The following PRDM2 variants were observed in gnomAD, a reference collection of about 807,000 sequenced individuals.
PRDM2 encodes the protein PR domain zinc finger protein 2.
A neutral mutation model predicts 130.0 loss-of-function variants in PRDM2; 30 were observed. That is an observed-to-expected ratio of 0.23 (90% CI 0.17 to 0.31). PRDM2 has a LOEUF of 0.31. PRDM2 is among the 10% of genes least tolerant of loss of function. PRDM2 has a pLI of 1.00. For synonymous variants in PRDM2, 871 were observed against 782.4 expected, an observed-to-expected ratio of 1.11 and a Z score of -1.89; for missense variants, 2,011 against 2,108.4, an observed-to-expected ratio of 0.95 and a Z score of 0.90.
intron 6 of PRDM2, among the ~76,000 whole-genome samples, chr1:13,764,242 G>C (rs955379960): frequency 3.3e-5 from 5 of 152,200 alleles, no homozygotes; most frequent in East Asian, 1.9e-4. Context: ...TCAGCCACGG[G>C]GGGCTGAGTC....
rs1643391883 is a variant in PRDM2, at chr1:13,740,066, C to T, written c.232-1939C>T. ...AAGCAAGTATTCTCTTTTTGTACATCAGTCAGTATGACTTAGAAGATGCCT... is the reference window on the plus strand; with the variant it reads ...AAGCAAGTATTCTCTTTTTGTACATTAGTCAGTATGACTTAGAAGATGCCT... On this transcript the variant is annotated intron_variant, in intron 4 of 9. Coordinates refer to ENST00000311066, the MANE Select transcript of PRDM2 (RefSeq NM_001393986.1). 2.0e-5 allele frequency among the ~76,000 whole-genome samples: 3 copies of T among 152,174 alleles called. No homozygotes were observed. The South Asian group carries it at 6.2e-4, about 32-fold the overall frequency.
intron 8 of PRDM2, among the ~76,000 whole-genome samples, chr1:13,814,140 C>T (rs1030343411): frequency 2.5e-4 from 38 of 152,228 alleles, no homozygotes; most frequent in African/African-American, 9.2e-4. Context: ...TCTCCAGCAG[C>T]CTCCCAGCTG....
chr1:13,728,747 A>T (rs1643006876), intron 2 of PRDM2, among the ~76,000 whole-genome samples: 1 of 152,260 alleles, frequency 6.6e-6, no homozygotes. Context: ...GACTTAAAAC[A>T]GATAAACAAA....
At chr1:13,809,132 T>A (rs1020392959) in intron 8 of PRDM2, among the ~76,000 whole-genome samples, 4 of 152,146 alleles carry the variant, frequency 2.6e-5, no homozygotes, top group Non-Finnish European at 5.9e-5. Flanking sequence ...AGGGGAGAGA[T>A]GGGCTGGGAG....
chr1:13,768,091 T>TA (rs1375624036), intron 6 of PRDM2, among the ~76,000 whole-genome samples: 2 of 149,740 alleles, frequency 1.3e-5, no homozygotes, highest in Non-Finnish European at 3.0e-5. Flanking sequence ...TTTTTTTTTT[T>TA]TTTTGAGACG....
intron 3 of PRDM2, among the ~76,000 whole-genome samples, chr1:13,731,958 C>T (rs774260442): frequency 3.9e-5 from 6 of 152,092 alleles, no homozygotes; most frequent in African/African-American, 1.4e-4. Context: ...ACTTACATAG[C>T]GGACTTACAG....
At position 13,781,246 on chromosome 1, in the gene PRDM2, A is replaced by G. The variant is rs1171920492; in HGVS notation, c.3451A>G (p.Lys1151Glu). 1 of 1,614,216 alleles carries G rather than the reference A, an allele frequency of 6.2e-7. No individual in the cohort carries two copies. The highest frequency in any genetic ancestry group is 2.2e-5 in the East Asian group (1 of 44,890). ...TTTTCTTTCCATTAAAGATCTAACCAAACATTTATCTATTCATGCTGAAGA... is the reference window on the plus strand; with the variant it reads ...TTTTCTTTCCATTAAAGATCTAACCGAACATTTATCTATTCATGCTGAAGA... ...SPFLSIKDLTKHLSIHAEEWP... is the reference protein window; with the variant it reads ...SPFLSIKDLTEHLSIHAEEWP... Residue 1151 changes from lysine to glutamate, a missense_variant, in exon 8 of 10, where the codon AAA (lysine) becomes GAA (glutamate). Lys to Glu is a moderately conservative substitution (Grantham distance 56). Transcript: ENST00000311066. The surrounding 1 kb of genome is among the most constrained non-coding windows in gnomAD (Gnocchi z 6.1).
At chr1:13,786,824 G>C in intron 8 of PRDM2, 1 of 1,179,324 alleles carries the variant, frequency 8.5e-7, no homozygotes, top group Non-Finnish European at 1.1e-6. Flanking sequence ...CCTCAGATCT[G>C]AGCATGGCCC....
At chr1:13,812,813 C>T (rs1645195119) in intron 8 of PRDM2, among the ~76,000 whole-genome samples, 1 of 152,212 alleles carries the variant, frequency 6.6e-6, no homozygotes. Flanking sequence ...CTCACATGTG[C>T]TGGATTCTTC....
At chr1:13,820,291 C>T (rs1013263663) in intron 9 of PRDM2, among the ~76,000 whole-genome samples, 4 of 152,216 alleles carry the variant, frequency 2.6e-5, no homozygotes, top group African/African-American at 7.2e-5. Flanking sequence ...ACCCGTCTCC[C>T]GGACAGTTTG....
intron 8 of PRDM2, among the ~76,000 whole-genome samples, chr1:13,788,354 C>T (rs1348357781): frequency 1.3e-5 from 2 of 152,306 alleles, no homozygotes; most frequent in Non-Finnish European, 2.9e-5. Flanking sequence ...AAAATAATTT[C>T]ATCTGTGGGG....
chr1:13,795,007 A>ATCTCTTT (rs1644900977), intron 8 of PRDM2, among the ~76,000 whole-genome samples: 1 of 152,198 alleles, frequency 6.6e-6, no homozygotes, highest in Non-Finnish European at 1.5e-5. Flanking sequence ...AACTAAAGAG[A>ATCTCTTT]AGTGAGCTGT....
At chr1:13,749,808 T>C (rs966078980) in intron 6 of PRDM2, among the ~76,000 whole-genome samples, 11 of 152,130 alleles carry the variant, frequency 7.2e-5, no homozygotes, top group African/African-American at 2.6e-4. Flanking sequence ...CGGACGGCGT[T>C]CCGGGGCCGG....
intron 8 of PRDM2, among the ~76,000 whole-genome samples, chr1:13,790,620 A>T (rs1487097984): frequency 2.6e-5 from 4 of 152,204 alleles, no homozygotes; most frequent in Non-Finnish European, 5.9e-5. Context: ...AAAGGTCCAG[A>T]TTGGTGGGAA....
intron 1 of PRDM2, among the ~76,000 whole-genome samples, chr1:13,714,970 T>C (rs1642487575): frequency 6.6e-6 from 1 of 152,250 alleles, no homozygotes; most frequent in African/African-American, 2.4e-5. Flanking sequence ...TATGAATACA[T>C]GGAACATGGG....
At chr1:13,765,541 C>A (rs1287417559) in intron 6 of PRDM2, among the ~76,000 whole-genome samples, 2 of 152,090 alleles carry the variant, frequency 1.3e-5, no homozygotes, top group South Asian at 2.1e-4. Context: ...TCTAGGCTCA[C>A]TGCAGCCTCC....
chr1:13,727,644 TG>T (rs1425999720), intron 2 of PRDM2, among the ~76,000 whole-genome samples: 1 of 152,234 alleles, frequency 6.6e-6, no homozygotes, highest in Non-Finnish European at 1.5e-5. Flanking sequence ...AGCCATTGTA[TG>T]TATGTGTTTA....
chr1:13,785,361 T>C (rs1203648), intron 8 of PRDM2, among the ~76,000 whole-genome samples: 51,640 of 152,072 alleles, frequency 0.34, 9,219 homozygotes, highest in Admixed American at 0.49. Flanking sequence ...AGCACATCCT[T>C]GTCCTGTGTT....
At chr1:13,785,909 G>T (rs1307683385) in intron 8 of PRDM2, among the ~76,000 whole-genome samples, 1 of 149,778 alleles carries the variant, frequency 6.7e-6, no homozygotes, top group African/African-American at 2.5e-5. Context: ...CACGATCTTG[G>T]CTCACTGCAA....
Sources: allele counts gnomAD v4.1 joint callset (sites outside exome capture counted in the v4.1 genomes callset), GRCh38; gene constraint gnomAD v4.1.1; non-coding constraint Gnocchi (gnomAD v3.1); transcripts MANE v1.5; gene names NCBI Gene and HGNC (gene_info 2026-07-23, HGNC 2026-07-21).